Variants in ITLN2 observed in about 807,000 individuals in gnomAD.
ITLN2 encodes the protein intelectin 2, also known as intelectin-2.
Under a neutral mutation model 39.4 loss-of-function variants are expected in ITLN2, and 29 were observed. The observed-to-expected ratio is 0.74, with a 90% CI of 0.55 to 1.00. ITLN2 has a LOEUF of 1.00. Among genes scored for constraint, ITLN2 ranks in the 50% least tolerant of loss-of-function variants. The pLI is 0.00. For missense variants in ITLN2, 412 were observed against 416.7 expected (o/e 0.99, Z 0.10); for synonymous variants, 156 against 153.4 (o/e 1.02, Z -0.12).
In ITLN2 at chr1:160,951,197, C is replaced by G. The variant is rs745852906; in HGVS notation, c.287G>C (p.Ser96Thr). 4.3e-6 allele frequency: 7 copies of G among 1,614,092 alleles called. No homozygotes were observed. The highest frequency in any genetic ancestry group is 5.9e-6 in the Non-Finnish European group (7 of 1,179,954). Reference protein sequence around the residue: ...SGGGGWTLVASVHENDMRGKC... With the variant: ...SGGGGWTLVATVHENDMRGKC... The stretch of plus-strand genomic sequence containing the variant: ...CCCACGCATGTCATTCTCGTGCACG[C>G]TGGCCACCAGGGTCCAGCCGCCACC... The change falls in exon 4 of 8, where the codon AGC becomes ACC. Residue 96 changes from serine to threonine, a missense_variant. By Grantham distance (58) the Ser-to-Thr change is moderately conservative. Coordinates refer to ENST00000368029, the MANE Select transcript of ITLN2 (RefSeq NM_080878.3).
At chr1:160,954,064 C>T (rs187362011) in intron 2 of ITLN2, among the ~76,000 whole-genome samples, 8 of 152,286 alleles carry the variant, frequency 5.3e-5, no homozygotes, top group African/African-American at 1.9e-4. Flanking sequence ...ATCCCAAGGC[C>T]AAGGCCACAA....
Position 160,945,169 on chromosome 1 carries a change from C to G in ITLN2, c.949G>C (p.Glu317Gln). The G allele has an allele frequency of 6.2e-7, 1 of 1,604,536 alleles. No homozygotes were observed. The highest frequency in any genetic ancestry group is 8.5e-7 in the Non-Finnish European group (1 of 1,177,500). The change falls in exon 8 of 8, where the codon GAG becomes CAG. Residue 317 changes from glutamate to glutamine, a missense_variant. Physicochemically the swap from Glu to Gln is conservative, Grantham distance 29. Coordinates refer to ENST00000368029, the MANE Select transcript of ITLN2 (RefSeq NM_080878.3). ...CTATAGAACAAGAGTACAGCCGCCT[C>G]CGTTATCTCCCGACTGCAGCTGCTC... is the stretch of plus-strand genomic sequence containing the variant. Reference protein sequence around the residue: ...VKSSCSREITEAAVLLFYR With the variant: ...VKSSCSREITQAAVLLFYR
At position 160,950,650 on chromosome 1, in the gene ITLN2, G is replaced by T; in HGVS notation, c.503C>A (p.Ser168Tyr). Residue 168 changes from serine (S) to tyrosine (Y), a missense_variant, in exon 5 of 8, where the codon TCC (serine) becomes TAC (tyrosine). Physicochemically the swap from Ser to Tyr is moderately radical, Grantham distance 144. Coordinates refer to ENST00000368029, the MANE Select transcript of ITLN2 (RefSeq NM_080878.3). ...GCTGTTTCTCCAATGCTGCATGGGG[G>T]ACTTGTTGGGCACATGCCAGATGCC... ...DLGIWHVPNK[S>Y]PMQHWRNSAL... 6.2e-7 allele frequency: 1 copy of T among 1,614,202 alleles called. No homozygotes were observed. The highest frequency in any genetic ancestry group is 8.5e-7 in the Non-Finnish European group (1 of 1,180,036).
At chr1:160,948,384 A>C (rs944390089) in intron 6 of ITLN2, among the ~76,000 whole-genome samples, 6 of 152,178 alleles carry the variant, frequency 3.9e-5, no homozygotes, top group African/African-American at 1.4e-4. Flanking sequence ...GTGGCTGCCT[A>C]TTGCTGTTTA....
Position 160,950,620 on chromosome 1 carries a change from AG to A in ITLN2, c.532del (p.Leu178CysfsTer2). 1.2e-6 allele frequency: 2 copies of A among 1,614,216 alleles called. No individual in the cohort carries two copies. Among genetic ancestry groups the A allele is most frequent in the Non-Finnish European group, 1.7e-6 (2 of 1,180,028 alleles). ...GCCAGTGTTGGTGCGGTACCTCAGCAGGGCGCTGTTTCTCCAATGCTGCATG... is the reference window on the plus strand; with the variant it reads ...GCCAGTGTTGGTGCGGTACCTCAGCAGGCGCTGTTTCTCCAATGCTGCATG... The part of the protein sequence containing the change: ...SPMQHWRNSA[L>X]LRYRTNTGFL... On this transcript the variant is annotated frameshift_variant, in exon 5 of 8. Coordinates refer to ENST00000368029, the MANE Select transcript of ITLN2 (RefSeq NM_080878.3). LOFTEE classifies it high-confidence loss of function.
chr1:160,953,651 C>T (rs534258573), intron 2 of ITLN2, among the ~76,000 whole-genome samples: 1 of 151,916 alleles, frequency 6.6e-6, no homozygotes, highest in Admixed American at 6.6e-5. Context: ...ACGGAGGTTG[C>T]AGTGAGCCGA....
At chr1:160,952,082 G>T (rs1671758271) in intron 3 of ITLN2, among the ~76,000 whole-genome samples, 1 of 152,164 alleles carries the variant, frequency 6.6e-6, no homozygotes, top group Non-Finnish European at 1.5e-5. Flanking sequence ...GCTGTCTTGT[G>T]GGGCAAGGGA....
At chr1:160,948,829 G>A (rs1297159435) in intron 6 of ITLN2, 1 of 152,148 alleles carries the variant, frequency 6.6e-6, no homozygotes, top group Non-Finnish European at 1.5e-5. Flanking sequence ...TATTATTGAA[G>A]GGGTGGCCTG....
In ITLN2 at chr1:160,952,710, G is replaced by A. The variant is rs1328926007; in HGVS notation, c.103C>T (p.Leu35Phe). 5 of 1,613,692 alleles carry A rather than the reference G, an allele frequency of 3.1e-6. No individual in the cohort carries two copies. Among genetic ancestry groups the A allele is most frequent in the South Asian group, 2.2e-5 (2 of 91,080 alleles). ...GCACAGGTTTCGAATTCCCTCGAGA[G>A]CATCTCAAGAGAAGAGGCTGCTGCT... ...SAAAASSLEM[L>F]SREFETCAFS... The change falls in exon 3 of 8, where the codon CTC (leucine) becomes TTC (phenylalanine). Residue 35 changes from leucine to phenylalanine, a missense_variant. Transcript: ENST00000368029.
At chr1:160,954,511 C>T in intron 1 of ITLN2, 61 bp from the exon 2 acceptor site, 4 of 1,401,156 alleles carry the variant, frequency 2.9e-6, no homozygotes, top group Non-Finnish European at 4.0e-6. Flanking sequence ...TCCTCTCGTT[C>T]TTACTTCCTA....
intron 7 of ITLN2, among the ~76,000 whole-genome samples, chr1:160,946,366 C>A (rs887298051): frequency 5.3e-5 from 8 of 152,160 alleles, no homozygotes; most frequent in African/African-American, 1.9e-4. Context: ...TTATACTCAA[C>A]TTCTGGCATC....
chr1:160,952,311 C>T (rs1671762383), intron 3 of ITLN2, among the ~76,000 whole-genome samples: 1 of 152,172 alleles, frequency 6.6e-6, no homozygotes, highest in Non-Finnish European at 1.5e-5. Flanking sequence ...TTGTCTCTGG[C>T]TCGGGAGTTT....
Position 160,950,651 on chromosome 1 carries a change from A to G in ITLN2, c.502T>C (p.Ser168Pro), listed in dbSNP as rs79889663. The G allele has an allele frequency of 0.058, 93,915 of 1,613,886 alleles. 3,149 individuals are homozygous for G. The highest frequency in any genetic ancestry group is 0.067 in the Non-Finnish European group (78,685 of 1,179,950). ...CTGTTTCTCCAATGCTGCATGGGGG[A>G]CTTGTTGGGCACATGCCAGATGCCC... is the stretch of plus-strand genomic sequence containing the variant. ...DLGIWHVPNK[S>P]PMQHWRNSAL... The change falls in exon 5 of 8, where the codon TCC becomes CCC. Residue 168 changes from serine to proline, a missense_variant. By Grantham distance (74) the Ser-to-Pro change is moderately conservative. Transcript: ENST00000368029.
At chr1:160,948,576 ATC>A (rs1325587210) in intron 6 of ITLN2, 1 of 150,882 alleles carries the variant, frequency 6.6e-6, no homozygotes, top group Non-Finnish European at 1.5e-5. Flanking sequence ...ACAAAAGTAA[ATC>A]TCTCTCACCA....
chr1:160,948,038 A>G lies in ITLN2; in HGVS notation c.722-6T>C. The G allele has an allele frequency of 6.2e-7, 1 of 1,612,180 alleles. No individual in the cohort carries two copies. Among genetic ancestry groups the G allele is most frequent in the South Asian group, 1.1e-5 (1 of 91,022 alleles). ...GAATCCTGCAACAAATTCCCCTGAA[A>G]AAGAAGAGGTGAAGAAACAGCCAAG... is the stretch of plus-strand genomic sequence containing the variant. On this transcript the variant is annotated splice_region_variant and splice_polypyrimidine_tract_variant and intron_variant, in intron 6 of 7. Coordinates refer to ENST00000368029, the MANE Select transcript of ITLN2 (RefSeq NM_080878.3).
chr1:160,950,869 A>C, intron 4 of ITLN2, 158 bp from the exon 5 acceptor site: 2 of 1,464,096 alleles, frequency 1.4e-6, no homozygotes, highest in Non-Finnish European at 1.9e-6. Context: ...TCCCACCACC[A>C]CCCAGGGCCC....
At position 160,951,146 on chromosome 1, in the gene ITLN2, G is replaced by A. The variant is rs942021225; in HGVS notation, c.338C>T (p.Ser113Phe). Residue 113 changes from serine to phenylalanine, a missense_variant, in exon 4 of 8, where the codon TCC (serine) becomes TTC (phenylalanine). Transcript: ENST00000368029. The part of the protein sequence containing the change: ...RGKCTVGDRW[S>F]SQQGNKADYP... Reference sequence around the variant, plus strand: ...GTCTGCTTTGTTGCCCTGCTGACTGGACCAGCGATCACCCACCGTGCACTT... The same window carrying A: ...GTCTGCTTTGTTGCCCTGCTGACTGAACCAGCGATCACCCACCGTGCACTT... 1 of 1,614,142 alleles carries A rather than the reference G, an allele frequency of 6.2e-7. No homozygotes were observed. The highest frequency in any genetic ancestry group is 1.7e-5 in the Admixed American group (1 of 60,004).
rs1040984273 is a variant in ITLN2 at position 160,948,910 on chromosome 1, A to C, written c.722-878T>G. 4.6e-5 allele frequency: 7 copies of C among 152,346 alleles called. 1 individual carries two copies. The highest frequency in any genetic ancestry group is 4.6e-4 in the Admixed American group (7 of 15,298). 9.4% of individuals were successfully genotyped at this position (152,346 alleles called of 1,614,324 possible). A position where few individuals can be genotyped will look rare whatever the true frequency, so the allele number is the denominator to read the frequency against. On this transcript the variant is annotated intron_variant, in intron 6 of 7. Transcript: ENST00000368029. Reference sequence around the variant, plus strand: ...TGAGAAAAGAAAGAGACACAGCGACAAAGTATAGAGAAAGAAAAGTGGGCC... The same window carrying C: ...TGAGAAAAGAAAGAGACACAGCGACCAAGTATAGAGAAAGAAAAGTGGGCC...
chr1:160,954,292 G>A, intron 2 of ITLN2, 95 bp downstream of exon 2: 6 of 970,738 alleles, frequency 6.2e-6, no homozygotes, highest in Non-Finnish European at 9.2e-6. Context: ...TTTGACCCTT[G>A]ACTTCAGAGC....
Sources: gnomAD v4.1 joint callset for allele counts (sites outside exome capture counted in the v4.1 genomes callset) on GRCh38, gnomAD v4.1.1 for gene constraint, MANE v1.5 for transcripts, NCBI Gene and HGNC (gene_info 2026-07-23, HGNC 2026-07-21) for gene names.